HPS1: variants seen among roughly 807,000 people sequenced by gnomAD.
The protein encoded by HPS1 is BLOC-3 complex member HPS1.
In HPS1, 59 loss-of-function variants were observed where a neutral mutation model predicts 90.6. That is an observed-to-expected ratio of 0.65 (90% CI 0.53 to 0.81). The LOEUF is 0.81. Ranked by LOEUF, HPS1 falls within the 30% of genes least tolerant of loss-of-function variation. The probability of loss-of-function intolerance (pLI) is 0.00; values close to 1 mark genes in which losing one functional copy is unlikely to be tolerated. For synonymous variants in HPS1, 388 were observed against 384.4 expected (o/e 1.01, Z -0.11); for missense variants, 849 against 896.7 (o/e 0.95, Z 0.68).
At chr10:98,428,150 A>G (rs1278384894) in intron 10 of HPS1, among the ~76,000 whole-genome samples, 1 of 152,142 alleles carries the variant, frequency 6.6e-6, no homozygotes, top group Non-Finnish European at 1.5e-5. Context: ...ATAGCTAGGA[A>G]CCCTCACCCC....
chr10:98,429,298 G>A, intron 10 of HPS1: 1 of 1,343,766 alleles, frequency 7.4e-7, no homozygotes, highest in South Asian at 1.8e-5. Flanking sequence ...CAAAAAAGAT[G>A]AGTCTGAGAA....
intron 5 of HPS1, 37 bp from the exon 6 acceptor site, chr10:98,434,128 A>T: frequency 6.5e-7 from 1 of 1,537,796 alleles, no homozygotes. Context: ...AGAGATCACA[A>T]GAAAGCTGGT....
At chr10:98,434,220 G>T in intron 5 of HPS1, 129 bp from the exon 6 acceptor site, 1 of 905,570 alleles carries the variant, frequency 1.1e-6, no homozygotes, top group Non-Finnish European at 1.6e-6. Context: ...CCACACAGCT[G>T]GGAAAGGGGG....
chr10:98,441,368 A>G (rs1255303339), intron 3 of HPS1, among the ~76,000 whole-genome samples: 1 of 152,224 alleles, frequency 6.6e-6, no homozygotes, highest in African/African-American at 2.4e-5. Flanking sequence ...CTCATACCAC[A>G]CACAAAAATT....
intron 17 of HPS1, among the ~76,000 whole-genome samples, chr10:98,421,479 T>C (rs1174307925): frequency 1.3e-5 from 2 of 152,220 alleles, no homozygotes; most frequent in African/African-American, 2.4e-5. Context: ...CTAAAAATCA[T>C]GTCTATAAAG....
chr10:98,430,139 C>T (rs114296819), intron 8 of HPS1, among the ~76,000 whole-genome samples: 96 of 152,308 alleles, frequency 6.3e-4, no homozygotes, highest in African/African-American at 2.1e-3. Flanking sequence ...AGGTCAACAG[C>T]GATGGTGGTG....
rs771054960 is a variant in HPS1, at chr10:98,443,092, AC to A, written c.117+31del. On this transcript the variant is annotated intron_variant, in intron 3 of 19. Coordinates refer to ENST00000361490, the MANE Select transcript of HPS1 (RefSeq NM_000195.5). ...AGTTTTGTATGGTTCCTTCCTATCC[AC>A]CCCTCCTGGGACTGCCTACCCTGCA... 7 of 1,438,920 alleles carry A rather than the reference AC, an allele frequency of 4.9e-6. No individual in the cohort carries two copies. In the Admixed American group the frequency reaches 8.4e-5, roughly 17 times the overall value. The allele number at this position is 1,438,920 out of a possible 1,614,324, so 89.1% of individuals were successfully genotyped here.
intron 3 of HPS1, among the ~76,000 whole-genome samples, chr10:98,442,229 C>T (rs1310372682): frequency 6.6e-6 from 1 of 152,180 alleles, no homozygotes; most frequent in Non-Finnish European, 1.5e-5. Context: ...CAAAACCAAA[C>T]TAAATCCAAG....
intron 6 of HPS1, among the ~76,000 whole-genome samples, chr10:98,433,001 G>A (rs11599723): frequency 0.13 from 19,520 of 152,140 alleles, 1,520 homozygotes; most frequent in South Asian, 0.22. Flanking sequence ...TTGGGAGGCC[G>A]AGTGGGCAGA....
chr10:98,420,139 A>G lies in HPS1; in HGVS notation c.1763T>C (p.Leu588Pro), dbSNP rs1302271283. The change falls in exon 18 of 20, where the codon CTG (leucine) becomes CCG (proline). Residue 588 changes from leucine to proline, a missense_variant. Coordinates refer to ENST00000361490, the MANE Select transcript of HPS1 (RefSeq NM_000195.5). ...GCCCTTCTGCAGGTATCTGCGCGCC[A>G]GCTGGATCAGAGACCAGACCTGGGG... ...VKTKVWSLIQ[L>P]ARRYLQKGYT... is the part of the protein sequence containing the mutation. The G allele has an allele frequency of 1.9e-6, 3 of 1,613,668 alleles. No individual in the cohort carries two copies. Among genetic ancestry groups the G allele is most frequent in the East Asian group, 4.5e-5 (2 of 44,874 alleles).
chr10:98,424,274 G>A, intron 14 of HPS1, 39 bp downstream of exon 14: 3 of 1,507,688 alleles, frequency 2.0e-6, no homozygotes, highest in African/African-American at 1.4e-5. Flanking sequence ...AGTCCCCTGG[G>A]CACACGACCC....
At chr10:98,422,110 A>G (rs1844958803) in intron 17 of HPS1, among the ~76,000 whole-genome samples, 1 of 152,204 alleles carries the variant, frequency 6.6e-6, no homozygotes, top group African/African-American at 2.4e-5. Flanking sequence ...GAATAAAAGA[A>G]TTTCCAGGGA....
intron 10 of HPS1, chr10:98,429,272 T>A: frequency 8.0e-7 from 1 of 1,245,312 alleles, no homozygotes; most frequent in Non-Finnish European, 1.0e-6. Context: ...TTTAACTTAA[T>A]TTTTAATTTT....
Position 98,416,676 on chromosome 10 carries a change from G to C in HPS1, c.*888C>G, listed in dbSNP as rs536216487. The C allele has an allele frequency of 6.6e-6, 1 of 152,510 alleles. No homozygotes were observed. The highest frequency in any genetic ancestry group is 2.4e-5 in the African/African-American group (1 of 41,590). 9.4% of individuals were successfully genotyped at this position (152,510 alleles called of 1,614,324 possible). A position where few individuals can be genotyped will look rare whatever the true frequency, so the allele number is the denominator to read the frequency against. The stretch of plus-strand genomic sequence containing the variant: ...TGACTTTCGCCACGCCGTCCTCTCT[G>C]GCCCAGCACCGGCCTCCTGGCCTCA... On this transcript the variant is annotated 3_prime_UTR_variant, in exon 20 of 20. Coordinates refer to ENST00000361490, the MANE Select transcript of HPS1 (RefSeq NM_000195.5).
rs118116760 is a variant in HPS1 at position 98,417,581 on chromosome 10, G to C, written c.2086C>G (p.Arg696Gly). 3.7e-6 allele frequency: 6 copies of C among 1,611,388 alleles called. No individual in the cohort carries two copies. In the East Asian group the frequency reaches 1.3e-4, roughly 36 times the overall value. ...QLARRLWEAS[R>G]IPLL ...ACCTTGGCCTAGAGCAGGGGGATACGGGAGGCCTCCCAGAGGCGCCGGGCC... is the reference window on the plus strand; with the variant it reads ...ACCTTGGCCTAGAGCAGGGGGATACCGGAGGCCTCCCAGAGGCGCCGGGCC... Residue 696 changes from arginine to glycine, a missense_variant, in exon 20 of 20, where the codon CGT (arginine) becomes GGT (glycine). Arg to Gly is a moderately radical substitution (Grantham distance 125). Transcript: ENST00000361490. This position sits in a 1 kb window ranked among gnomAD's most constrained non-coding sequence, Gnocchi z 4.2.
Position 98,425,911 on chromosome 10 carries a change from A to T in HPS1, c.1062T>A (p.Asp354Glu), listed in dbSNP as rs201257594. The change falls in exon 12 of 20, where the codon GAT (aspartate) becomes GAA (glutamate). Residue 354 changes from aspartate to glutamate, a missense_variant. Asp to Glu is a conservative substitution (Grantham distance 45). Coordinates refer to ENST00000361490, the MANE Select transcript of HPS1 (RefSeq NM_000195.5). ...VPSGPRRIFL[D>E]ANVKESYCPL... The stretch of plus-strand genomic sequence containing the variant: ...GGCAGTAGCTTTCCTTCACGTTGGC[A>T]TCCAGGAAGATCCTTCTGGGGCCGG... The T allele has an allele frequency of 1.1e-5, 17 of 1,613,992 alleles. No individual in the cohort carries two copies. In the East Asian group the frequency reaches 3.8e-4, roughly 36 times the overall value.
intron 3 of HPS1, among the ~76,000 whole-genome samples, chr10:98,442,020 C>T (rs1056918896): frequency 7.9e-5 from 12 of 152,200 alleles, no homozygotes; most frequent in Non-Finnish European, 2.9e-5. Context: ...TAGACTTGTA[C>T]GTGCATGTTC....
Position 98,425,618 on chromosome 10 carries a change from G to A in HPS1, c.1258C>T (p.Arg420Cys), listed in dbSNP as rs773603604. The A allele has an allele frequency of 3.1e-6, 5 of 1,613,662 alleles. No homozygotes were observed. The highest frequency in any genetic ancestry group is 1.1e-5 in the South Asian group (1 of 91,048). Residue 420 changes from arginine to cysteine, a missense_variant, in exon 13 of 20, where the codon CGC (arginine) becomes TGC (cysteine). By Grantham distance (180) the Arg-to-Cys change is radical. Transcript: ENST00000361490. ...AGGTCTCCCACGAGGGGCTGGGAGCGCAGGGAGGCCCCGGGCTCCGGCCCT... is the reference window on the plus strand; with the variant it reads ...AGGTCTCCCACGAGGGGCTGGGAGCACAGGGAGGCCCCGGGCTCCGGCCCT... The part of the protein sequence containing the change: ...KEGPEPGASL[R>C]SQPLVGDLRQ...
At chr10:98,419,965 T>C (rs1844636099) in intron 18 of HPS1, 80 bp downstream of exon 18, 3 of 956,856 alleles carry the variant, frequency 3.1e-6, no homozygotes, top group Admixed American at 1.7e-5. Flanking sequence ...CAGACAACAA[T>C]TCAGAAGAAA....
Sources: gnomAD v4.1 joint callset for allele counts (sites outside exome capture counted in the v4.1 genomes callset) on GRCh38, gnomAD v4.1.1 for gene constraint, Gnocchi (gnomAD v3.1) non-coding constraint, MANE v1.5 for transcripts, NCBI Gene and HGNC (gene_info 2026-07-23, HGNC 2026-07-21) for gene names.